The following PUM1 variants were observed in gnomAD, a reference collection of about 807,000 sequenced individuals.
PUM1 encodes the protein pumilio homolog 1.
PUM1 carries 13 observed loss-of-function variants against 131.8 expected under a neutral mutation model. The observed-to-expected ratio is 0.10, with a 90% CI of 0.06 to 0.16. The LOEUF (loss-of-function observed/expected upper bound fraction) is 0.16. Ranked by LOEUF, PUM1 falls within the 10% of genes least tolerant of loss-of-function variation. PUM1 has a pLI of 1.00. For missense variants in PUM1, 961 were observed against 1,512.4 expected (o/e 0.64, Z 6.05); for synonymous variants, 509 against 556.5 (o/e 0.91, Z 1.20).
At chr1:31,039,905 T>A (rs919120390) in intron 2 of PUM1, among the ~76,000 whole-genome samples, 2 of 149,158 alleles carry the variant, frequency 1.3e-5, no homozygotes, top group Middle Eastern at 4.1e-3. Flanking sequence ...AGACTCTATC[T>A]CACAAGAAAT....
At position 30,953,917 on chromosome 1, in the gene PUM1, G is replaced by A; in HGVS notation, c.2388C>T (p.Arg796=). 1 of 1,614,234 alleles carries A rather than the reference G, an allele frequency of 6.2e-7. No individual in the cohort carries two copies. The highest frequency in any genetic ancestry group is 1.1e-5 in the South Asian group (1 of 91,086). ...SAAPGAEAKY[R]SASSASSLFS... is the part of the protein sequence containing the mutation. ...AGAGGCTGGAGGCGCTGCTTGCACTGCGGTACTTGGCTTCAGCGCCTGGAG... is the reference window on the plus strand; with the variant it reads ...AGAGGCTGGAGGCGCTGCTTGCACTACGGTACTTGGCTTCAGCGCCTGGAG... Residue 796 remains arginine (R), a synonymous_variant, in exon 15 of 22, where the codon CGC becomes CGT. Coordinates refer to ENST00000426105, the MANE Select transcript of PUM1 (RefSeq NM_001020658.2).
chr1:31,015,410 C>T (rs905914627), intron 3 of PUM1, among the ~76,000 whole-genome samples: 5 of 151,676 alleles, frequency 3.3e-5, no homozygotes, highest in Non-Finnish European at 7.4e-5. Flanking sequence ...GGCATGATCT[C>T]GGCTCACTGC....
In PUM1 at chr1:30,966,105, A is replaced by T. The variant is rs749137096; in HGVS notation, c.1963T>A (p.Ser655Thr). ...FYGNNSLNSN[S>T]QSSSLFSQGS... ...TGGGAGAAGAGGGAGCTGCTCTGTG[A>T]ATTGCTGTTCAGAGAGTTGTTGCCG... Residue 655 changes from serine to threonine, a missense_variant, in exon 13 of 22, where the codon TCA (serine) becomes ACA (threonine). This residue lies in a region of PUM1 where 654 missense variants were observed against 923.9 expected (regional missense o/e 0.71). Coordinates refer to ENST00000426105, the MANE Select transcript of PUM1 (RefSeq NM_001020658.2). 6.2e-7 allele frequency: 1 copy of T among 1,614,104 alleles called. No homozygotes were observed. The highest frequency in any genetic ancestry group is 1.7e-5 in the Admixed American group (1 of 60,012).
chr1:31,017,096 G>C (rs987156990), intron 3 of PUM1, among the ~76,000 whole-genome samples: 2 of 152,130 alleles, frequency 1.3e-5, no homozygotes, highest in Non-Finnish European at 1.5e-5. Flanking sequence ...TTCAGTATTT[G>C]AAGTACTTGC....
At chr1:31,006,875 G>GA in intron 4 of PUM1, 119 bp downstream of exon 4, 1 of 710,324 alleles carries the variant, frequency 1.4e-6, no homozygotes, top group Non-Finnish European at 2.4e-6. Flanking sequence ...TATACTACAG[G>GA]AGAGGACACT....
At chr1:31,047,150 T>C (rs527761521) in intron 2 of PUM1, among the ~76,000 whole-genome samples, 6 of 152,092 alleles carry the variant, frequency 3.9e-5, no homozygotes, top group South Asian at 2.1e-4. Flanking sequence ...GATTGCACCA[T>C]TGCACTCCAG....
intron 10 of PUM1, among the ~76,000 whole-genome samples, chr1:30,973,537 G>C (rs1016381855): frequency 3.3e-5 from 5 of 152,030 alleles, no homozygotes; most frequent in Non-Finnish European, 7.4e-5. Context: ...AAATATAATA[G>C]ACTAGTCAAA....
chr1:31,035,659 G>A (rs912430142), intron 2 of PUM1, among the ~76,000 whole-genome samples: 1 of 151,866 alleles, frequency 6.6e-6, no homozygotes, highest in Non-Finnish European at 1.5e-5. Context: ...GCTGAGGCAG[G>A]AGAATTGCTT....
intron 1 of PUM1, among the ~76,000 whole-genome samples, chr1:31,065,208 G>C (rs900382643): frequency 6.6e-6 from 1 of 152,014 alleles, no homozygotes; most frequent in Non-Finnish European, 1.5e-5. Context: ...CGAAGAAATC[G>C]GGGTGGCACA....
intron 10 of PUM1, among the ~76,000 whole-genome samples, chr1:30,971,317 T>C (rs1640863381): frequency 6.6e-6 from 1 of 152,152 alleles, no homozygotes; most frequent in Admixed American, 6.5e-5. Context: ...AAATCATATT[T>C]TCCTCAAATA....
rs1414774368 is a variant in PUM1 at position 30,932,697 on chromosome 1, G to T, written c.*514C>A. ...ATAAACAGTGTTAAATGCCAGTTTGGGGTCATTTAACTACAATTCAAACTT... is the reference window on the plus strand; with the variant it reads ...ATAAACAGTGTTAAATGCCAGTTTGTGGTCATTTAACTACAATTCAAACTT... On this transcript the variant is annotated 3_prime_UTR_variant, in exon 22 of 22. Coordinates refer to ENST00000426105, the MANE Select transcript of PUM1 (RefSeq NM_001020658.2). 2 of 148,198 alleles carry T rather than the reference G, an allele frequency of 1.3e-5. No homozygotes were observed. The highest frequency in any genetic ancestry group is 3.0e-5 in the Non-Finnish European group (2 of 67,172). The allele number at this position is 148,198 out of a possible 1,614,324, so 9.2% of individuals were successfully genotyped here.
At chr1:31,057,334 C>T (rs190570266) in intron 2 of PUM1, among the ~76,000 whole-genome samples, 90 of 139,586 alleles carry the variant, frequency 6.4e-4, no homozygotes, top group Non-Finnish European at 9.6e-4. Context: ...ACCAGGGAGA[C>T]CGTGGTTGCA....
chr1:30,964,542 A>T (rs1640546289), intron 14 of PUM1, 132 bp downstream of exon 14: 2 of 780,436 alleles, frequency 2.6e-6, no homozygotes, highest in African/African-American at 1.7e-5. Flanking sequence ...TGAGGTATTT[A>T]CGGAAGGCAC....
intron 10 of PUM1, among the ~76,000 whole-genome samples, chr1:30,970,012 T>A (rs553519005): frequency 6.6e-6 from 1 of 152,204 alleles, no homozygotes; most frequent in South Asian, 2.1e-4. Context: ...ATGCTAGCAA[T>A]CATTATTATT....
At chr1:30,944,887 CACAG>C (rs1639604645) in intron 18 of PUM1, among the ~76,000 whole-genome samples, 1 of 152,232 alleles carries the variant, frequency 6.6e-6, no homozygotes, top group South Asian at 2.1e-4. Context: ...CTTGGCAACA[CACAG>C]ACAGGTACCT....
chr1:30,993,342 T>TA (rs200120030), intron 6 of PUM1, among the ~76,000 whole-genome samples: 37,835 of 126,946 alleles, frequency 0.3, 6,015 homozygotes, highest in East Asian at 0.83. Flanking sequence ...GCCTAAGATT[T>TA]AAAAAAAAAA....
At chr1:31,028,895 T>G in intron 2 of PUM1, 31 bp from the exon 3 acceptor site, 1 of 1,568,370 alleles carries the variant, frequency 6.4e-7, no homozygotes, top group Non-Finnish European at 8.8e-7. Flanking sequence ...GGAAAAATCT[T>G]CAAGTCAGCA....
intron 3 of PUM1, among the ~76,000 whole-genome samples, chr1:31,014,682 G>A (rs1051349850): frequency 2.0e-5 from 3 of 151,722 alleles, no homozygotes; most frequent in East Asian, 1.9e-4. Flanking sequence ...CCAGCTACTC[G>A]GGAGGCTGAG....
chr1:31,018,481 A>AC (rs34266054), intron 3 of PUM1, among the ~76,000 whole-genome samples: 13,489 of 152,046 alleles, frequency 0.089, 835 homozygotes, highest in South Asian at 0.16. Flanking sequence ...ATGTGGTGAA[A>AC]CCCCGTCTCT....
Sources: gnomAD v4.1 joint callset for allele counts (sites outside exome capture counted in the v4.1 genomes callset) on GRCh38, gnomAD v4.1.1 for gene constraint, gnomAD v4.1.1 regional missense constraint, MANE v1.5 for transcripts, NCBI Gene and HGNC (gene_info 2026-07-23, HGNC 2026-07-21) for gene names.